FAM3D: variants seen among roughly 807,000 people sequenced by gnomAD.
The protein encoded by FAM3D is FAM3 metabolism regulating signaling molecule D.
In FAM3D, 26 loss-of-function variants were observed where a neutral mutation model predicts 29.8. The observed-to-expected ratio is 0.87, with a 90% CI of 0.64 to 1.21. The LOEUF is 1.21. Ranked by LOEUF, FAM3D falls within the 50% of genes most tolerant of loss-of-function variation. The pLI, the probability that FAM3D is intolerant of heterozygous loss-of-function variation, is 0.00. For synonymous variants in FAM3D, 115 were observed against 102.3 expected (o/e 1.12, Z -0.75); for missense variants, 253 against 290.9 (o/e 0.87, Z 0.95).
rs1553633284 is a variant in FAM3D at position 58,637,884 on chromosome 3, T to TATTATTATTATTATTATTATC, written c.374-660_374-659insGATAATAATAATAATAATAAT. Among the ~76,000 whole-genome samples, 275 of 150,554 alleles carry TATTATTATTATTATTATTATC rather than the reference T, an allele frequency of 1.8e-3. 1 individual carries two copies. The highest frequency in any genetic ancestry group is 6.4e-3 in the African/African-American group (261 of 41,100). On this transcript the variant is annotated intron_variant, in intron 7 of 9. Transcript: ENST00000358781. ...GCTGATTTGTTTCCCTTGTGATTATTATTATTATTATTATTCTGACACAGA... is the reference window on the plus strand; with the variant it reads ...GCTGATTTGTTTCCCTTGTGATTATTATTATTATTATTATTATTATCATTATTATTATTATTCTGACACAGA...
At chr3:58,651,037 A>G (rs956227510) in intron 3 of FAM3D, among the ~76,000 whole-genome samples, 3 of 152,064 alleles carry the variant, frequency 2.0e-5, no homozygotes, top group Non-Finnish European at 2.9e-5. Context: ...ATCCGAAAGA[A>G]CTCTGATTAA....
At chr3:58,664,460 A>G (rs1201912334) in intron 1 of FAM3D, among the ~76,000 whole-genome samples, 2 of 152,242 alleles carry the variant, frequency 1.3e-5, no homozygotes, top group Admixed American at 1.3e-4. Context: ...TGGTGCATAG[A>G]AGGTGCACAG....
intron 2 of FAM3D, among the ~76,000 whole-genome samples, chr3:58,655,004 G>T (rs1447685629): frequency 6.6e-6 from 1 of 152,204 alleles, no homozygotes; most frequent in East Asian, 1.9e-4. Flanking sequence ...AGGAAACTGA[G>T]AGGCGGTCAC....
At chr3:58,637,081 G>T in intron 8 of FAM3D, 60 bp downstream of exon 8, 1 of 1,419,314 alleles carries the variant, frequency 7.0e-7, no homozygotes, top group Non-Finnish European at 9.9e-7. Flanking sequence ...GGGTGTGCAG[G>T]GTTTGAAGGT....
chr3:58,643,954 G>C (rs1285577222), intron 5 of FAM3D, among the ~76,000 whole-genome samples: 1 of 152,212 alleles, frequency 6.6e-6, no homozygotes, highest in Non-Finnish European at 1.5e-5. Flanking sequence ...AAGAGGCAAG[G>C]TCCCTGCCTG....
chr3:58,637,625 A>G (rs1373804202), intron 7 of FAM3D, among the ~76,000 whole-genome samples: 1 of 152,116 alleles, frequency 6.6e-6, no homozygotes, highest in Admixed American at 6.5e-5. Flanking sequence ...ACGCTGGACA[A>G]TGCCCAGATT....
At chr3:58,640,789 C>T (rs2066305766) in intron 6 of FAM3D, among the ~76,000 whole-genome samples, 1 of 152,202 alleles carries the variant, frequency 6.6e-6, no homozygotes, top group Non-Finnish European at 1.5e-5. Flanking sequence ...TTACAGTTCG[C>T]GCTCTCCGCC....
intron 1 of FAM3D, among the ~76,000 whole-genome samples, chr3:58,659,170 C>T (rs1484974627): frequency 6.6e-6 from 1 of 152,150 alleles, no homozygotes; most frequent in Non-Finnish European, 1.5e-5. Flanking sequence ...GGAAGGGGTC[C>T]GCCGTCCTGG....
chr3:58,650,400 A>G lies in FAM3D; in HGVS notation c.122-1062T>C, dbSNP rs143785357. Among the ~76,000 whole-genome samples the G allele has an allele frequency of 4.3e-3, 651 of 152,148 alleles. 10 individuals carry two copies. Among genetic ancestry groups the G allele is most frequent in the African/African-American group, 0.015 (614 of 41,502 alleles). ...ATGTTGATACATAGTTGGTGGGGGC[A>G]GGGGGAGAGGGAGAGACAGAGAGAG... On this transcript the variant is annotated intron_variant, in intron 3 of 9. Coordinates refer to ENST00000358781, the MANE Select transcript of FAM3D (RefSeq NM_138805.3).
intron 3 of FAM3D, among the ~76,000 whole-genome samples, chr3:58,650,059 G>T (rs1449411429): frequency 1.3e-5 from 2 of 152,236 alleles, no homozygotes; most frequent in African/African-American, 2.4e-5. Context: ...TGGCTCTAGG[G>T]CCCTTGGCCA....
intron 3 of FAM3D, among the ~76,000 whole-genome samples, chr3:58,652,254 G>A (rs1022056421): frequency 1.3e-5 from 2 of 152,172 alleles, no homozygotes; most frequent in African/African-American, 4.8e-5. Flanking sequence ...ACCACATCAA[G>A]GATTGTGCTT....
At chr3:58,652,814 C>T (rs1188936067) in intron 3 of FAM3D, among the ~76,000 whole-genome samples, 1 of 152,040 alleles carries the variant, frequency 6.6e-6, no homozygotes, top group Non-Finnish European at 1.5e-5. Context: ...TCTATCCACC[C>T]ACCCACTCAG....
At chr3:58,658,493 G>T (rs933572232) in intron 1 of FAM3D, among the ~76,000 whole-genome samples, 29 of 152,178 alleles carry the variant, frequency 1.9e-4, no homozygotes, top group African/African-American at 7.0e-4. Context: ...GCACTTGCGA[G>T]TCCCTCTGTC....
chr3:58,640,541 T>A (rs2066298280), intron 6 of FAM3D, among the ~76,000 whole-genome samples: 1 of 152,226 alleles, frequency 6.6e-6, no homozygotes, highest in African/African-American at 2.4e-5. Context: ...ATAGTAGTCA[T>A]ACAAGATGAA....
At chr3:58,640,034 A>C (rs1575471758) in intron 7 of FAM3D, 93 bp downstream of exon 7, 1 of 1,362,020 alleles carries the variant, frequency 7.3e-7, no homozygotes, top group Non-Finnish European at 1.0e-6. Context: ...AGCACCAGGT[A>C]CCTCGAGCCA....
chr3:58,641,396 T>TGC (rs2066330455), intron 6 of FAM3D, among the ~76,000 whole-genome samples: 1 of 151,960 alleles, frequency 6.6e-6, no homozygotes. Context: ...AGGGTCTCTC[T>TGC]GCAGTCCAGG....
Position 58,635,532 on chromosome 3 carries a change from G to A in FAM3D, c.585+762C>T, listed in dbSNP as rs111481898. ...CGGTTCCCCTGGGTCTGGAGCCCAC[G>A]CTTTGGGGCAGGAAAGCACCACCTG... On this transcript the variant is annotated intron_variant, in intron 9 of 9. Coordinates refer to ENST00000358781, the MANE Select transcript of FAM3D (RefSeq NM_138805.3). This position sits in a 1 kb window ranked among gnomAD's most constrained non-coding sequence, Gnocchi z 5.2. Among the ~76,000 whole-genome samples the A allele has an allele frequency of 0.012, 1,798 of 152,246 alleles. 43 individuals carry two copies. Among genetic ancestry groups the A allele is most frequent in the African/African-American group, 0.04 (1,667 of 41,540 alleles).
chr3:58,640,076 C>T (rs776982173), intron 7 of FAM3D, 51 bp downstream of exon 7: 1 of 1,600,386 alleles, frequency 6.2e-7, no homozygotes, highest in South Asian at 1.1e-5. Context: ...GAGGCTCAGC[C>T]CTCTGCACCG....
chr3:58,649,194 G>A (rs1362731147), intron 4 of FAM3D, 121 bp downstream of exon 4: 2 of 1,253,350 alleles, frequency 1.6e-6, no homozygotes, highest in Non-Finnish European at 2.2e-6. Context: ...AGGAAGCCCA[G>A]GTTTCTCTGG....
Sources: allele counts gnomAD v4.1 joint callset (sites outside exome capture counted in the v4.1 genomes callset), GRCh38; gene constraint gnomAD v4.1.1; non-coding constraint Gnocchi (gnomAD v3.1); transcripts MANE v1.5; gene names NCBI Gene and HGNC (gene_info 2026-07-23, HGNC 2026-07-21).